The following GRB7 variants were observed in gnomAD, a reference collection of about 807,000 sequenced individuals.
GRB7 encodes growth factor receptor bound protein 7, also known as growth factor receptor-bound protein 7.
In GRB7, 47 loss-of-function variants were observed where a neutral mutation model predicts 64.1. That is an observed-to-expected ratio of 0.73 (90% confidence interval 0.58 to 0.94). The LOEUF (loss-of-function observed/expected upper bound fraction) is 0.94, where lower values mean the gene tolerates loss of function less well. Ranked by LOEUF, GRB7 falls within the 40% of genes least tolerant of loss-of-function variation. The pLI is 0.00. For synonymous variants in GRB7, 277 were observed against 279.9 expected (o/e 0.99, Z 0.10); for missense variants, 634 against 718.4 (o/e 0.88, Z 1.34).
Position 39,745,622 on chromosome 17 carries a change from G to T in GRB7, c.1209+84G>T, listed in dbSNP as rs1287489647. The T allele has an allele frequency of 6.4e-6, 10 of 1,555,680 alleles. No homozygotes were observed. In the Admixed American group the frequency reaches 1.7e-4, roughly 26 times the overall value. On this transcript the variant is annotated intron_variant, in intron 11 of 14. Coordinates refer to ENST00000309156, the MANE Select transcript of GRB7 (RefSeq NM_005310.5). ...CCTGAAATAGGAGGGAGGAAGAGAG[G>T]GCGGGGGGAGGCCCCTGGCTGGGAA...
In GRB7 at chr17:39,746,957, C is replaced by T. The variant is rs1181672146; in HGVS notation, c.*60C>T. On this transcript the variant is annotated 3_prime_UTR_variant, in exon 15 of 15. Coordinates refer to ENST00000309156, the MANE Select transcript of GRB7 (RefSeq NM_005310.5). ...TTCAGGCTGCCCGCCGCCCCTCCAC[C>T]CATCCAGTGGACTCTGGGGCGCGGC... is the stretch of plus-strand genomic sequence containing the variant. 3.9e-6 allele frequency: 6 copies of T among 1,550,168 alleles called. No homozygotes were observed. The South Asian group carries it at 5.8e-5, about 15-fold the overall frequency.
intron 10 of GRB7, 42 bp from the exon 11 acceptor site, chr17:39,745,380 C>T: frequency 6.2e-7 from 1 of 1,610,218 alleles, no homozygotes. Flanking sequence ...TTACGGGTAC[C>T]TGGGCCCTGT....
chr17:39,739,121 A>C, intron 1 of GRB7: 2 of 457,706 alleles, frequency 4.4e-6, no homozygotes, highest in Non-Finnish European at 7.7e-6. Context: ...CAGAGAATGA[A>C]TGCATCTGCC....
Position 39,745,410 on chromosome 17 carries a change from T to G in GRB7, c.1093-12T>G. 2 of 1,613,412 alleles carry G rather than the reference T, an allele frequency of 1.2e-6. No homozygotes were observed. The highest frequency in any genetic ancestry group is 1.7e-6 in the Non-Finnish European group (2 of 1,179,408). ...CCCTGTTCTGACCTCTCTCCTCTCC[T>G]TCCATCTCCAGAGAAGTGCCTCAGA... On this transcript the variant is annotated splice_polypyrimidine_tract_variant and intron_variant, in intron 10 of 14. Transcript: ENST00000309156.
intron 1 of GRB7, among the ~76,000 whole-genome samples, chr17:39,741,497 C>T (rs2059993777): frequency 6.6e-6 from 1 of 152,242 alleles, no homozygotes; most frequent in South Asian, 2.1e-4. Context: ...GGCCAAACCT[C>T]GCCAAGTATG....
In GRB7 at chr17:39,746,867, G is replaced by A. The variant is rs749002501; in HGVS notation, c.1569G>A (p.Leu523=). ...QLNRGILPCL[L]RHCCTRVAL ...ACCGCGGCATCCTGCCGTGCTTGCT[G>A]CGCCATTGCTGCACGCGGGTGGCCC... The change falls in exon 15 of 15, where the codon CTG becomes CTA. Residue 523 remains leucine, a synonymous_variant. Transcript: ENST00000309156. The A allele has an allele frequency of 6.2e-7, 1 of 1,612,412 alleles. No individual in the cohort carries two copies. The highest frequency in any genetic ancestry group is 8.5e-7 in the Non-Finnish European group (1 of 1,180,010).
At position 39,747,128 on chromosome 17, in the gene GRB7, C is replaced by A; in HGVS notation, c.*231C>A. On this transcript the variant is annotated 3_prime_UTR_variant, in exon 15 of 15. Coordinates refer to ENST00000309156, the MANE Select transcript of GRB7 (RefSeq NM_005310.5). ...GGGAAGGCCTTGGGTGGCCCCCTCT[C>A]CTTCTCCTAGCTCTGGAGGTGCTGC... 1 of 553,186 alleles carries A rather than the reference C, an allele frequency of 1.8e-6. No homozygotes were observed. Among genetic ancestry groups the A allele is most frequent in the Non-Finnish European group, 3.2e-6 (1 of 313,474 alleles). 34.3% of individuals were successfully genotyped at this position (553,186 alleles called of 1,614,324 possible). A position where few individuals can be genotyped will look rare whatever the true frequency, so the allele number is the denominator to read the frequency against.
chr17:39,740,008 G>T (rs547652419), intron 1 of GRB7: 2 of 985,406 alleles, frequency 2.0e-6, no homozygotes, highest in African/African-American at 3.5e-5. Flanking sequence ...TGATCTCTGA[G>T]GCCAGGCTCT....
intron 7 of GRB7, 75 bp from the exon 8 acceptor site, chr17:39,744,478 C>T: frequency 2.4e-6 from 3 of 1,241,746 alleles, no homozygotes; most frequent in Non-Finnish European, 3.5e-6. Flanking sequence ...TGAAATCTCC[C>T]CACCTGGCTT....
chr17:39,744,556 C>G lies in GRB7; in HGVS notation c.805C>G (p.Pro269Ala), dbSNP rs1466985025. Residue 269 changes from proline to alanine, a missense_variant, in exon 8 of 15, where the codon CCG (proline) becomes GCG (alanine). Transcript: ENST00000309156. ...YYSTKGTSKD[P>A]RHLQYVADVN... is the part of the protein sequence containing the mutation. ...CCTGCTCACTCATGCTGCTTAGGAT[C>G]CGAGGCACCTGCAGTACGTGGCAGA... is the stretch of plus-strand genomic sequence containing the variant. 1 of 1,606,360 alleles carries G rather than the reference C, an allele frequency of 6.2e-7. No individual in the cohort carries two copies. The highest frequency in any genetic ancestry group is 1.1e-5 in the South Asian group (1 of 89,628).
At position 39,742,266 on chromosome 17, in the gene GRB7, A is replaced by C. The variant is rs201861511; in HGVS notation, c.-36A>C. On this transcript the variant is annotated 5_prime_UTR_variant, in exon 2 of 15. Coordinates refer to ENST00000309156, the MANE Select transcript of GRB7 (RefSeq NM_005310.5). ...CCTCTCCCCAGGACAAGGGCACACAACTGGTTCCGTTAAGCCCCTCTCTTG... is the reference window on the plus strand; with the variant it reads ...CCTCTCCCCAGGACAAGGGCACACACCTGGTTCCGTTAAGCCCCTCTCTTG... 4.3e-4 allele frequency: 695 copies of C among 1,613,342 alleles called. 1 individual carries two copies. Among genetic ancestry groups the C allele is most frequent in the Non-Finnish European group, 5.1e-4 (597 of 1,179,526 alleles).
rs765787134 is a variant in GRB7, at chr17:39,742,438, T to A, written c.137T>A (p.Leu46His). The A allele has an allele frequency of 4.5e-5, 73 of 1,613,754 alleles. 1 individual carries two copies. In the Admixed American group the frequency reaches 1.2e-3, roughly 27 times the overall value. The change falls in exon 2 of 15, where the codon CTC becomes CAC. Residue 46 changes from leucine (L) to histidine (H), a missense_variant. This residue lies in a region of GRB7 where 167 missense variants were observed against 141.9 expected (regional missense o/e 1.18). Transcript: ENST00000309156. The part of the protein sequence containing the change: ...PEEVKRSQPL[L>H]IPTTGRKLRE... The stretch of plus-strand genomic sequence containing the variant: ...GAGGTAAAGAGGTCCCAGCCTCTCC[T>A]CATCCCAACCACCGGCAGGTACGAT...
chr17:39,739,505 G>A (rs1374354904), intron 1 of GRB7, among the ~76,000 whole-genome samples: 2 of 152,228 alleles, frequency 1.3e-5, no homozygotes, highest in African/African-American at 4.8e-5. Context: ...GGGGCGGGGC[G>A]TGGAGTACTG....
In GRB7 at chr17:39,743,061, C is replaced by G. The variant is rs1225846661; in HGVS notation, c.463+7C>G. 1.2e-6 allele frequency: 2 copies of G among 1,601,018 alleles called. No individual in the cohort carries two copies. The highest frequency in any genetic ancestry group is 2.7e-5 in the African/African-American group (2 of 74,858). The stretch of plus-strand genomic sequence containing the variant: ...CACCCCCACCTAGCACTGGGTAAGT[C>G]AGGTGCATGGAACTATCCGGGCTGG... On this transcript the variant is annotated splice_region_variant and intron_variant, in intron 4 of 14. Transcript: ENST00000309156.
At chr17:39,739,633 C>G (rs2059978787) in intron 1 of GRB7, among the ~76,000 whole-genome samples, 1 of 152,242 alleles carries the variant, frequency 6.6e-6, no homozygotes, top group African/African-American at 2.4e-5. Flanking sequence ...CACCGGGCCC[C>G]GCCACCTGCC....
chr17:39,741,334 A>T (rs1342634575), intron 1 of GRB7, among the ~76,000 whole-genome samples: 1 of 152,024 alleles, frequency 6.6e-6, no homozygotes, highest in Non-Finnish European at 1.5e-5. Flanking sequence ...TGGCCTGGGG[A>T]GGGTACGCAA....
At position 39,745,916 on chromosome 17, in the gene GRB7, T is replaced by C; in HGVS notation, c.1274T>C (p.Ile425Thr). The C allele has an allele frequency of 6.2e-6, 10 of 1,613,874 alleles. No homozygotes were observed. Among genetic ancestry groups the C allele is most frequent in the Non-Finnish European group, 8.5e-6 (10 of 1,179,878 alleles). Reference sequence around the variant, plus strand: ...CCCATGTCCTTCCCCACCACAGCCATCCACCGCACCCAACTCTGGTTCCAC... The same window carrying C: ...CCCATGTCCTTCCCCACCACAGCCACCCACCGCACCCAACTCTGGTTCCAC... ...PASGTSLSAA[I>T]HRTQLWFHGR... Residue 425 changes from isoleucine to threonine, a missense_variant, in exon 13 of 15, where the codon ATC (isoleucine) becomes ACC (threonine). Ile to Thr is a moderately conservative substitution (Grantham distance 89, BLOSUM62 -1). Around this residue, in one of 2 missense-constraint regions of GRB7, gnomAD observed 467 missense variants for 576.6 expected, o/e 0.81. Transcript: ENST00000309156.
intron 11 of GRB7, 80 bp from the exon 12 acceptor site, chr17:39,745,648 G>C: frequency 6.4e-7 from 1 of 1,574,346 alleles, no homozygotes; most frequent in South Asian, 1.1e-5. Context: ...TGGCTGGGAA[G>C]AAGTGCTCTA....
intron 14 of GRB7, 55 bp downstream of exon 14, chr17:39,746,257 C>T (rs1252117288): frequency 3.6e-5 from 51 of 1,420,150 alleles, no homozygotes; most frequent in Non-Finnish European, 5.0e-5. Flanking sequence ...CTCCCAGCAA[C>T]CTGTCCTCCT....
Sources: allele counts gnomAD v4.1 joint callset (sites outside exome capture counted in the v4.1 genomes callset), GRCh38; gene constraint gnomAD v4.1.1; regional missense constraint gnomAD v4.1.1; transcripts MANE v1.5; gene names NCBI Gene and HGNC (gene_info 2026-07-23, HGNC 2026-07-21).